Variants in KDM1A observed in about 807,000 individuals in gnomAD.
KDM1A encodes the protein lysine demethylase 1A, also known as lysine-specific histone demethylase 1A.
In KDM1A, 49 loss-of-function variants were observed where a neutral mutation model predicts 109.4. The ratio of observed to expected loss-of-function variants is 0.45; its 90% confidence interval spans 0.36 to 0.57. KDM1A has a LOEUF of 0.57. Among genes scored for constraint, KDM1A ranks in the 20% least tolerant of loss-of-function variants. The pLI is 0.00. For missense variants in KDM1A, 668 were observed against 1,116.6 expected, an observed-to-expected ratio of 0.60 and a Z score of 5.73; for synonymous variants, 380 against 415.4, an observed-to-expected ratio of 0.91 and a Z score of 1.04.
At chr1:23,033,333 C>G (rs1309494819) in intron 2 of KDM1A, among the ~76,000 whole-genome samples, 15 of 152,142 alleles carry the variant, frequency 9.9e-5, no homozygotes, top group Admixed American at 9.8e-4. Context: ...ACCAGCATGG[C>G]CAACATAGTG....
At chr1:23,073,250 T>G in intron 14 of KDM1A, 42 bp from the exon 15 acceptor site, 22 of 1,030,220 alleles carry the variant, frequency 2.1e-5, no homozygotes, top group Non-Finnish European at 3.2e-5. Flanking sequence ...AGAGAACTAG[T>G]GATATCTTTT....
At chr1:23,076,689 A>G (rs980831612) in intron 15 of KDM1A, among the ~76,000 whole-genome samples, 6 of 152,160 alleles carry the variant, frequency 3.9e-5, no homozygotes, top group South Asian at 2.1e-4. Flanking sequence ...TATCCAGGGA[A>G]GGCCGAGCGT....
At chr1:23,061,367 G>T (rs1369085977) in intron 9 of KDM1A, among the ~76,000 whole-genome samples, 1 of 152,162 alleles carries the variant, frequency 6.6e-6, no homozygotes, top group Admixed American at 6.5e-5. Context: ...TTAACCTCAT[G>T]TGTGGTTTTT....
intron 10 of KDM1A, among the ~76,000 whole-genome samples, chr1:23,068,313 G>A (rs969091114): frequency 2.0e-4 from 31 of 152,146 alleles, no homozygotes; most frequent in Admixed American, 1.4e-3. Context: ...CAGCTCTGAC[G>A]GCAGTAGTGG....
rs753993807 is a variant in KDM1A at position 23,050,387 on chromosome 1, G to A, written c.578G>A (p.Gly193Asp). ...AGATGTCCTTTGCTTTCTTCGTTAG[G>A]TGTGGAGGGCGCAGCTTTCCAGAGC... ...SGGYGDGQASGVEGAAFQSRL... is the reference protein window; with the variant it reads ...SGGYGDGQASDVEGAAFQSRL... Residue 193 changes from glycine to aspartate, a missense_variant and splice_region_variant, in exon 4 of 21, where the codon GGT (glycine) becomes GAT (aspartate). Coordinates refer to ENST00000400181, the MANE Select transcript of KDM1A (RefSeq NM_001009999.3). The A allele has an allele frequency of 6.2e-7, 1 of 1,607,736 alleles. No homozygotes were observed. The highest frequency in any genetic ancestry group is 8.5e-7 in the Non-Finnish European group (1 of 1,177,426).
At chr1:23,067,450 T>C (rs1643190989) in intron 10 of KDM1A, among the ~76,000 whole-genome samples, 1 of 152,140 alleles carries the variant, frequency 6.6e-6, no homozygotes, top group Admixed American at 6.5e-5. Context: ...GTGGAAAAAC[T>C]GTGGAGTTTC....
intron 1 of KDM1A, 141 bp from the exon 2 acceptor site, chr1:23,030,328 T>G (rs1641945766): frequency 2.8e-5 from 15 of 531,432 alleles, no homozygotes; most frequent in South Asian, 5.5e-5. Context: ...CTACCTATTA[T>G]GAGCTGCCTT....
chr1:23,039,852 A>G (rs898037254), intron 2 of KDM1A, among the ~76,000 whole-genome samples: 4 of 152,174 alleles, frequency 2.6e-5, no homozygotes, highest in African/African-American at 9.7e-5. Context: ...TCTCAACTAG[A>G]TTATAAGCTT....
chr1:23,028,325 C>T (rs1641874508), intron 1 of KDM1A, among the ~76,000 whole-genome samples: 1 of 152,182 alleles, frequency 6.6e-6, no homozygotes, highest in South Asian at 2.1e-4. Context: ...CCACCACGCC[C>T]AGCCTTCTCA....
chr1:23,066,734 C>T (rs1643170546), intron 10 of KDM1A, among the ~76,000 whole-genome samples: 1 of 152,156 alleles, frequency 6.6e-6, no homozygotes, highest in Non-Finnish European at 1.5e-5. Flanking sequence ...GTTAAGGTCT[C>T]ATAACTACCT....
intron 1 of KDM1A, among the ~76,000 whole-genome samples, chr1:23,026,449 G>GC (rs1413615297): frequency 1.3e-5 from 2 of 151,114 alleles, no homozygotes; most frequent in African/African-American, 2.4e-5. Context: ...GAGTGCAGTG[G>GC]CCCGATCATG....
intron 2 of KDM1A, among the ~76,000 whole-genome samples, chr1:23,038,426 T>C (rs4654834): frequency 0.44 from 66,833 of 151,938 alleles, 15,265 homozygotes; most frequent in East Asian, 0.55. Context: ...TGTTGAGTTA[T>C]AAGAAATGTT....
At chr1:23,063,231 G>GGGT (rs1643064498) in intron 9 of KDM1A, among the ~76,000 whole-genome samples, 1 of 29,512 alleles carries the variant, frequency 3.4e-5, no homozygotes. Flanking sequence ...GGTGTGTGTG[G>GGGT]GTGTGTGTGT....
Position 23,065,615 on chromosome 1 carries a change from A to G in KDM1A, c.1168-445A>G, listed in dbSNP as rs72657827. Among the ~76,000 whole-genome samples the G allele has an allele frequency of 8.8e-3, 1,341 of 152,296 alleles. 15 individuals carry two copies. Among genetic ancestry groups the G allele is most frequent in the Non-Finnish European group, 0.014 (930 of 68,018 alleles). Reference sequence around the variant, plus strand: ...TGACAATCTCACATAATCTCATACAACTGAGCCTCGGGTTAGAATGGTGTA... The same window carrying G: ...TGACAATCTCACATAATCTCATACAGCTGAGCCTCGGGTTAGAATGGTGTA... On this transcript the variant is annotated intron_variant, in intron 9 of 20. Coordinates refer to ENST00000400181, the MANE Select transcript of KDM1A (RefSeq NM_001009999.3).
chr1:23,055,801 G>T, intron 6 of KDM1A, 131 bp from the exon 7 acceptor site: 1 of 442,078 alleles, frequency 2.3e-6, no homozygotes. Flanking sequence ...TCCATATTTT[G>T]AAAATAACTC....
At chr1:23,021,528 G>C (rs1338536164) in intron 1 of KDM1A, among the ~76,000 whole-genome samples, 1 of 152,148 alleles carries the variant, frequency 6.6e-6, no homozygotes, top group Admixed American at 6.5e-5. Context: ...GCCGGGCGTG[G>C]TGGCGGGCGC....
In KDM1A at chr1:23,079,540, T is replaced by C. The variant is rs754688409; in HGVS notation, c.2056-13T>C. On this transcript the variant is annotated splice_polypyrimidine_tract_variant and intron_variant, in intron 17 of 20. Coordinates refer to ENST00000400181, the MANE Select transcript of KDM1A (RefSeq NM_001009999.3). The surrounding 1 kb of genome is among the most constrained non-coding windows in gnomAD (Gnocchi z 5.6). ...CCCCTGTCACTGGCTCATGTGCTTC[T>C]TTCTTATGGTAGGTGGTGTTGTGTT... The C allele has an allele frequency of 1.2e-6, 2 of 1,606,866 alleles. No homozygotes were observed. The highest frequency in any genetic ancestry group is 1.1e-5 in the South Asian group (1 of 90,182).
chr1:23,082,137 A>C (rs1569833917), intron 19 of KDM1A, 83 bp from the exon 20 acceptor site: 1 of 1,468,002 alleles, frequency 6.8e-7, no homozygotes, highest in Non-Finnish European at 9.4e-7. Flanking sequence ...TTGCATCTCC[A>C]CCCACCACTG....
intron 13 of KDM1A, among the ~76,000 whole-genome samples, chr1:23,071,608 C>G (rs1377440631): frequency 1.3e-5 from 2 of 152,178 alleles, no homozygotes; most frequent in South Asian, 4.1e-4. Context: ...TTAGCCCTAA[C>G]AGTTTAGAGT....
Sources: gnomAD v4.1 joint callset for allele counts (sites outside exome capture counted in the v4.1 genomes callset) on GRCh38, gnomAD v4.1.1 for gene constraint, Gnocchi (gnomAD v3.1) non-coding constraint, MANE v1.5 for transcripts, NCBI Gene and HGNC (gene_info 2026-07-23, HGNC 2026-07-21) for gene names.